Variants in ATP6V1B2 observed in about 807,000 individuals in gnomAD.
ATP6V1B2 encodes the protein V-type proton ATPase subunit B, brain isoform.
Under a neutral mutation model 66.7 loss-of-function variants are expected in ATP6V1B2, and 23 were observed. The observed-to-expected ratio is 0.34, with a 90% confidence interval of 0.25 to 0.49. The LOEUF (loss-of-function observed/expected upper bound fraction) is 0.49, where lower values mean the gene tolerates loss of function less well. ATP6V1B2 is among the 20% of genes least tolerant of loss of function. ATP6V1B2 has a pLI of 0.99. For synonymous variants in ATP6V1B2, 278 were observed against 236.7 expected (o/e 1.17, Z -1.60); for missense variants, 478 against 650.8 (o/e 0.73, Z 2.89).
intron 13 of ATP6V1B2, among the ~76,000 whole-genome samples, chr8:20,219,320 C>T (rs1027682697): frequency 3.3e-5 from 5 of 152,224 alleles, no homozygotes; most frequent in Non-Finnish European, 5.9e-5. Flanking sequence ...CCAACTTTTT[C>T]ACCACTCTTC....
chr8:20,198,378 G>T (rs1428841626), intron 1 of ATP6V1B2, among the ~76,000 whole-genome samples: 1 of 152,212 alleles, frequency 6.6e-6, no homozygotes, highest in African/African-American at 2.4e-5. Flanking sequence ...CATAGGTGGT[G>T]TGTGTGCATA....
At chr8:20,210,117 T>A in intron 3 of ATP6V1B2, among the ~76,000 whole-genome samples, 1 of 149,614 alleles carries the variant, frequency 6.7e-6, no homozygotes, top group Non-Finnish European at 1.5e-5. Flanking sequence ...TATGTATGTG[T>A]ATATATATAA....
rs116941637 is a variant in ATP6V1B2, at chr8:20,197,417, G to T, written c.11G>T (p.Arg4Leu). 1.3e-6 allele frequency: 2 copies of T among 1,542,096 alleles called. No homozygotes were observed. The highest frequency in any genetic ancestry group is 1.7e-6 in the Non-Finnish European group (2 of 1,145,690). ...GACAGAGGAGACAAGATGGCGCTGC[G>T]GGCGATGCGGGGGATTGTCAACGGG... MAL[R>L]AMRGIVNGAA... Residue 4 changes from arginine (R) to leucine (L), a missense_variant, in exon 1 of 14, where the codon CGG (arginine) becomes CTG (leucine). This residue lies in a region of ATP6V1B2 where 152 missense variants were observed against 105.2 expected (regional missense o/e 1.44). Coordinates refer to ENST00000276390, the MANE Select transcript of ATP6V1B2 (RefSeq NM_001693.4).
chr8:20,212,774 C>G lies in ATP6V1B2; in HGVS notation c.804-8C>G, dbSNP rs1453263252. 2 of 1,611,738 alleles carry G rather than the reference C, an allele frequency of 1.2e-6. No homozygotes were observed. The highest frequency in any genetic ancestry group is 1.3e-5 in the African/African-American group (1 of 74,864). ...TTGAGTGGCCTAAGACTTAATGTTCCCTTTCAGCATTGAGCGAATTATCAC... is the reference window on the plus strand; with the variant it reads ...TTGAGTGGCCTAAGACTTAATGTTCGCTTTCAGCATTGAGCGAATTATCAC... On this transcript the variant is annotated splice_polypyrimidine_tract_variant and splice_region_variant and intron_variant, in intron 8 of 13. Coordinates refer to ENST00000276390, the MANE Select transcript of ATP6V1B2 (RefSeq NM_001693.4).
chr8:20,217,870 C>T (rs1030688117), intron 12 of ATP6V1B2, among the ~76,000 whole-genome samples: 13 of 152,090 alleles, frequency 8.5e-5, no homozygotes, highest in Non-Finnish European at 1.5e-5. Context: ...ACTATGAGTT[C>T]TGATTTTCAA....
At chr8:20,199,217 C>T (rs1405691119) in intron 1 of ATP6V1B2, among the ~76,000 whole-genome samples, 1 of 152,178 alleles carries the variant, frequency 6.6e-6, no homozygotes, top group Non-Finnish European at 1.5e-5. Context: ...TTTTTCCAGA[C>T]GTTATTCTTG....
chr8:20,199,076 G>T (rs1563799363), intron 1 of ATP6V1B2, among the ~76,000 whole-genome samples: 1 of 152,204 alleles, frequency 6.6e-6, no homozygotes, highest in South Asian at 2.1e-4. Flanking sequence ...TAATCATTCA[G>T]TGTCAATTCA....
chr8:20,220,423 C>CG lies in ATP6V1B2; in HGVS notation c.*22dup. 6.5e-7 allele frequency: 1 copy of CG among 1,537,374 alleles called. No individual in the cohort carries two copies. The highest frequency in any genetic ancestry group is 1.3e-5 in the South Asian group (1 of 78,532). Reference sequence around the variant, plus strand: ...ATTAGCTGCTGCTTCTGCATTGCTCCGCGCTCTTGTGAAATACTGGTTCTG... The same window carrying CG: ...ATTAGCTGCTGCTTCTGCATTGCTCCGGCGCTCTTGTGAAATACTGGTTCTG... On this transcript the variant is annotated 3_prime_UTR_variant, in exon 14 of 14. Transcript: ENST00000276390.
At position 20,211,108 on chromosome 8, in the gene ATP6V1B2, A is replaced by G. The variant is rs9325865; in HGVS notation, c.464-69A>G. 610,423 of 1,552,836 alleles carry G rather than the reference A, an allele frequency of 0.39. 122,340 individuals are homozygous for G. Among genetic ancestry groups the G allele is most frequent in the East Asian group, 0.62 (26,363 of 42,542 alleles). ...GCTTTTTCTTTTCTTTTAATTTGATATGATATCTAATTTCATTCATGAATA... is the reference window on the plus strand; with the variant it reads ...GCTTTTTCTTTTCTTTTAATTTGATGTGATATCTAATTTCATTCATGAATA... On this transcript the variant is annotated intron_variant, in intron 5 of 13. Coordinates refer to ENST00000276390, the MANE Select transcript of ATP6V1B2 (RefSeq NM_001693.4).
chr8:20,199,059 A>G (rs1042957012), intron 1 of ATP6V1B2, among the ~76,000 whole-genome samples: 3 of 152,222 alleles, frequency 2.0e-5, no homozygotes, highest in African/African-American at 7.2e-5. Flanking sequence ...GTCAGTTTCC[A>G]TATAATTAAT....
chr8:20,210,474 G>A lies in ATP6V1B2; in HGVS notation c.385+35G>A, dbSNP rs1358909346. 3.7e-6 allele frequency: 6 copies of A among 1,608,450 alleles called. No individual in the cohort carries two copies. The African/African-American group carries it at 6.7e-5, about 18-fold the overall frequency. ...TATTATTCATTCTAAGCCGAGATCT[G>A]TTTCCTTTTAAACATATTTCCATAA... On this transcript the variant is annotated intron_variant, in intron 4 of 13. Transcript: ENST00000276390.
At chr8:20,206,522 T>C (rs2072739696) in intron 2 of ATP6V1B2, among the ~76,000 whole-genome samples, 2 of 152,160 alleles carry the variant, frequency 1.3e-5, no homozygotes, top group Admixed American at 1.3e-4. Flanking sequence ...TATATTAATA[T>C]ATTAATATTA....
chr8:20,212,217 T>G lies in ATP6V1B2; in HGVS notation c.803+18T>G, dbSNP rs2072802264. On this transcript the variant is annotated intron_variant, in intron 8 of 13. Transcript: ENST00000276390. The stretch of plus-strand genomic sequence containing the variant: ...GACCCAACGTAAGTAACAGAGCTAT[T>G]TCTTTCTGTGGCCCAGACTCGGGAT... 6.2e-7 allele frequency: 1 copy of G among 1,607,020 alleles called. No homozygotes were observed. The highest frequency in any genetic ancestry group is 8.5e-7 in the Non-Finnish European group (1 of 1,174,158).
chr8:20,200,748 C>T (rs1369009357), intron 1 of ATP6V1B2, among the ~76,000 whole-genome samples: 2 of 152,178 alleles, frequency 1.3e-5, no homozygotes, highest in African/African-American at 4.8e-5. Context: ...TTTCTTATAT[C>T]ATAAAGCAGA....
chr8:20,217,356 A>T (rs1362937500), intron 12 of ATP6V1B2, 32 bp downstream of exon 12: 1 of 1,548,132 alleles, frequency 6.5e-7, no homozygotes, highest in East Asian at 2.2e-5. Flanking sequence ...TGGTGTTTGA[A>T]AATATGGATA....
intron 6 of ATP6V1B2, 39 bp downstream of exon 6, chr8:20,211,355 C>G (rs1303117954): frequency 1.1e-5 from 18 of 1,590,436 alleles, no homozygotes; most frequent in East Asian, 2.2e-5. Context: ...GTTTAGCAGA[C>G]AAGAATTTCT....
intron 3 of ATP6V1B2, 27 bp from the exon 4 acceptor site, chr8:20,210,319 C>A (rs1490539938): frequency 1.3e-6 from 2 of 1,577,098 alleles, no homozygotes; most frequent in East Asian, 4.5e-5. Flanking sequence ...TACTTCTACC[C>A]TTCTCATTAA....
intron 12 of ATP6V1B2, among the ~76,000 whole-genome samples, chr8:20,217,553 G>A (rs547608537): frequency 6.6e-6 from 1 of 152,246 alleles, no homozygotes; most frequent in East Asian, 1.9e-4. Context: ...ATGCTATCAA[G>A]TTTCCAAATA....
chr8:20,204,857 A>T (rs1372756699), intron 2 of ATP6V1B2, among the ~76,000 whole-genome samples: 3 of 152,160 alleles, frequency 2.0e-5, no homozygotes, highest in Non-Finnish European at 4.4e-5. Flanking sequence ...GAGGTTAATG[A>T]TGCATTTGTG....
Sources: allele counts gnomAD v4.1 joint callset (sites outside exome capture counted in the v4.1 genomes callset), GRCh38; gene constraint gnomAD v4.1.1; regional missense constraint gnomAD v4.1.1; transcripts MANE v1.5; gene names NCBI Gene and HGNC (gene_info 2026-07-23, HGNC 2026-07-21).